Variants in CEP76 observed in about 807,000 individuals in gnomAD.
CEP76 encodes centrosomal protein of 76 kDa.
Under a neutral mutation model 83.3 loss-of-function variants are expected in CEP76, and 55 were observed. The ratio of observed to expected loss-of-function variants is 0.66; its 90% CI spans 0.53 to 0.83. The LOEUF (loss-of-function observed/expected upper bound fraction) is 0.83. CEP76 is among the 40% of genes least tolerant of loss of function. The pLI, the probability that CEP76 is intolerant of heterozygous loss-of-function variation, is 0.00. For synonymous variants in CEP76, 270 were observed against 274.5 expected, an observed-to-expected ratio of 0.98 and a Z score of 0.16; for missense variants, 694 against 799.5, an observed-to-expected ratio of 0.87 and a Z score of 1.59.
intron 10 of CEP76, among the ~76,000 whole-genome samples, chr18:12,677,458 CAAAAAAAAAAA>C (rs71174127): frequency 3.9e-4 from 21 of 53,942 alleles, no homozygotes; most frequent in East Asian, 2.6e-3. Context: ...GATTCCATCT[CAAAAAAAAAAA>C]AAAAAAAAAA....
chr18:12,687,597 T>C (rs2039588123), intron 7 of CEP76, among the ~76,000 whole-genome samples: 1 of 151,434 alleles, frequency 6.6e-6, no homozygotes, highest in Non-Finnish European at 1.5e-5. Flanking sequence ...GGATTACAGG[T>C]ATGTGCCACC....
At position 12,695,341 on chromosome 18, in the gene CEP76, T is replaced by TCAAAA; in HGVS notation, c.716_717insTTTTG (p.Lys240PhefsTer9). Reference sequence around the variant, plus strand: ...TATTTAAAATTCCCACAGAAACTTTTGATTCTGTGCCTATAAACATAAATA... The same window carrying TCAAAA: ...TATTTAAAATTCCCACAGAAACTTTTCAAAAGATTCTGTGCCTATAAACATAAATA... On this transcript the variant is annotated frameshift_variant, in exon 6 of 12. Coordinates refer to ENST00000262127, the MANE Select transcript of CEP76 (RefSeq NM_024899.4). LOFTEE classifies it high-confidence loss of function. 1 of 1,492,922 alleles carries TCAAAA rather than the reference T, an allele frequency of 6.7e-7. No individual in the cohort carries two copies. Among genetic ancestry groups the TCAAAA allele is most frequent in the Non-Finnish European group, 9.3e-7 (1 of 1,080,418 alleles). The allele number at this position is 1,492,922 out of a possible 1,614,324, so 92.5% of individuals were successfully genotyped here.
intron 7 of CEP76, among the ~76,000 whole-genome samples, chr18:12,690,943 C>G (rs567747746): frequency 6.6e-6 from 1 of 151,076 alleles, no homozygotes; most frequent in Non-Finnish European, 1.5e-5. Flanking sequence ...CCCAGAGCCC[C>G]CCCCCGTTCT....
At position 12,682,698 on chromosome 18, in the gene CEP76, G is replaced by A. The variant is rs572178968; in HGVS notation, c.1123-1870C>T. Among the ~76,000 whole-genome samples the A allele has an allele frequency of 5.9e-5, 9 of 151,910 alleles. No individual in the cohort carries two copies. The South Asian group carries it at 1.7e-3, about 28-fold the overall frequency. On this transcript the variant is annotated intron_variant, in intron 8 of 11. Coordinates refer to ENST00000262127, the MANE Select transcript of CEP76 (RefSeq NM_024899.4). The stretch of plus-strand genomic sequence containing the variant: ...GGCTGGAATGCAGTGGCATGACCTC[G>A]GCTCACTACAACCTCCTCCTCCCGG...
chr18:12,678,311 G>C lies in CEP76; in HGVS notation c.1421C>G (p.Ala474Gly), dbSNP rs1410799845. ...CAAATCAAATACACAGGTTTCTACT[G>C]CATCAGAGGGTTGACAATTTCCCAG... ...MFLGNCQPSD[A>G]VETCVFDLND... The change falls in exon 10 of 12, where the codon GCA becomes GGA. Residue 474 changes from alanine to glycine, a missense_variant. By Grantham distance (60) the Ala-to-Gly change is moderately conservative. Transcript: ENST00000262127. 6.2e-6 allele frequency: 10 copies of C among 1,614,116 alleles called. No individual in the cohort carries two copies. In the East Asian group the frequency reaches 1.8e-4, roughly 29 times the overall value.
chr18:12,699,084 A>G lies in CEP76; in HGVS notation c.415T>C (p.Cys139Arg). 1 of 1,614,172 alleles carries G rather than the reference A, an allele frequency of 6.2e-7. No homozygotes were observed. The highest frequency in any genetic ancestry group is 8.5e-7 in the Non-Finnish European group (1 of 1,180,006). ...AAACGTTGGTTTCGATAATGTAAACATAAAGTAAACGTTGAACAAACTTGT... is the reference window on the plus strand; with the variant it reads ...AAACGTTGGTTTCGATAATGTAAACGTAAAGTAAACGTTGAACAAACTTGT... ...PGQVCSTFTL[C>R]LHYRNQRFRS... The change falls in exon 4 of 12, where the codon TGT (cysteine) becomes CGT (arginine). Residue 139 changes from cysteine to arginine, a missense_variant. Cys to Arg is a radical substitution (Grantham distance 180). Coordinates refer to ENST00000262127, the MANE Select transcript of CEP76 (RefSeq NM_024899.4).
chr18:12,697,863 G>T (rs2040010417), intron 4 of CEP76, among the ~76,000 whole-genome samples: 1 of 152,036 alleles, frequency 6.6e-6, no homozygotes, highest in Non-Finnish European at 1.5e-5. Context: ...CCTTATTAAG[G>T]TAACATCTTT....
intron 7 of CEP76, among the ~76,000 whole-genome samples, chr18:12,688,357 C>G (rs774255427): frequency 2.6e-5 from 4 of 151,352 alleles, no homozygotes; most frequent in East Asian, 1.9e-4. Context: ...TATAGCAAAA[C>G]CAGCTAACAA....
chr18:12,691,633 A>G (rs1568026379), intron 6 of CEP76, 146 bp from the exon 7 acceptor site: 1 of 557,228 alleles, frequency 1.8e-6, no homozygotes, highest in Non-Finnish European at 3.1e-6. Flanking sequence ...TGACTTCCCT[A>G]TTTCTACACT....
chr18:12,691,276 CAAATA>C, intron 7 of CEP76, 78 bp downstream of exon 7: 1 of 872,832 alleles, frequency 1.1e-6, no homozygotes, highest in African/African-American at 1.8e-5. Flanking sequence ...ATACATTTTA[CAAATA>C]AATATTAAAT....
At chr18:12,673,818 T>C (rs1235763021) in intron 11 of CEP76, among the ~76,000 whole-genome samples, 1 of 151,926 alleles carries the variant, frequency 6.6e-6, no homozygotes, top group Non-Finnish European at 1.5e-5. Context: ...GAGGCAGAGG[T>C]TGCAGTGAGC....
At chr18:12,696,228 G>A (rs989127431) in intron 5 of CEP76, among the ~76,000 whole-genome samples, 7 of 152,094 alleles carry the variant, frequency 4.6e-5, no homozygotes, top group East Asian at 3.8e-4. Flanking sequence ...ATTACTGGCT[G>A]GGCGCGGTGA....
intron 8 of CEP76, among the ~76,000 whole-genome samples, chr18:12,683,229 G>A (rs372998451): frequency 6.9e-6 from 1 of 145,794 alleles, no homozygotes. Flanking sequence ...CTCCATGCCT[G>A]TAGTCCCAGC....
intron 12 of CEP76, among the ~76,000 whole-genome samples, chr18:12,665,921 G>A (rs555112579): frequency 2.0e-5 from 3 of 151,984 alleles, no homozygotes; most frequent in African/African-American, 4.8e-5. Flanking sequence ...GGTCTTGAAC[G>A]CCTGACCCCG....
intron 12 of CEP76, among the ~76,000 whole-genome samples, chr18:12,665,429 A>C (rs1814571534): frequency 6.6e-6 from 1 of 152,086 alleles, no homozygotes; most frequent in Non-Finnish European, 1.5e-5. Flanking sequence ...TCCCCTGAAC[A>C]GTTCTGTTAA....
intron 3 of CEP76, 109 bp from the exon 4 acceptor site, chr18:12,699,312 TAAAAA>T (rs200050156): frequency 2.8e-6 from 2 of 709,862 alleles, no homozygotes. Flanking sequence ...TACCAAAGAC[TAAAAA>T]AAAAGCAAAA....
intron 9 of CEP76, among the ~76,000 whole-genome samples, chr18:12,680,285 C>T (rs1238193708): frequency 6.6e-6 from 1 of 152,008 alleles, no homozygotes; most frequent in Non-Finnish European, 1.5e-5. Context: ...GGACAAAAAA[C>T]CCTTATAATT....
intron 12 of CEP76, among the ~76,000 whole-genome samples, chr18:12,664,698 CTTTTTT>C (rs76222169): frequency 2.9e-5 from 4 of 137,620 alleles, no homozygotes; most frequent in Non-Finnish European, 3.2e-5. Flanking sequence ...TTGTCCTGAT[CTTTTTT>C]TTTTTTTTTT....
intron 1 of CEP76, 156 bp downstream of exon 1, chr18:12,702,330 C>A (rs2040187328): frequency 1.7e-5 from 10 of 597,462 alleles, no homozygotes; most frequent in Admixed American, 3.5e-5. Context: ...CGCTCTCCTG[C>A]CTCAAACTCA....
Sources: gnomAD v4.1 joint callset for allele counts (sites outside exome capture counted in the v4.1 genomes callset) on GRCh38, gnomAD v4.1.1 for gene constraint, MANE v1.5 for transcripts, NCBI Gene and HGNC (gene_info 2026-07-23, HGNC 2026-07-21) for gene names.